Variants in MAP4K1 observed in about 807,000 individuals in gnomAD.
MAP4K1 encodes the protein MAPK/ERK kinase kinase kinase 1.
MAP4K1 carries 35 observed loss-of-function variants against 122.8 expected under a neutral mutation model. That is an observed-to-expected ratio of 0.29 (90% CI 0.22 to 0.38). The LOEUF (loss-of-function observed/expected upper bound fraction) is 0.38. Among genes scored for constraint, MAP4K1 ranks in the 10% least tolerant of loss-of-function variants. The probability of loss-of-function intolerance (pLI) is 1.00; values close to 1 mark genes in which losing one functional copy is unlikely to be tolerated. For synonymous variants in MAP4K1, 412 were observed against 421.3 expected, an observed-to-expected ratio of 0.98 and a Z score of 0.27; for missense variants, 791 against 1,072.6, an observed-to-expected ratio of 0.74 and a Z score of 3.67.
At chr19:38,590,438 A>ATATATATATAG (rs1421697310) in intron 30 of MAP4K1, among the ~76,000 whole-genome samples, 19 of 90,706 alleles carry the variant, frequency 2.1e-4, no homozygotes, top group Admixed American at 4.0e-4. Flanking sequence ...TATATATATA[A>ATATATATATAG]TCACGGGCGT....
chr19:38,590,568 T>G (rs1974699335), intron 30 of MAP4K1, among the ~76,000 whole-genome samples: 1 of 151,118 alleles, frequency 6.6e-6, no homozygotes, highest in Non-Finnish European at 1.5e-5. Context: ...AACCTCCACC[T>G]CTCCGATTCA....
chr19:38,597,360 G>C lies in MAP4K1; in HGVS notation c.1803C>G (p.Ile601Met). Residue 601 changes from isoleucine (I) to methionine (M), a missense_variant, in exon 24 of 31, where the codon ATC (isoleucine) becomes ATG (methionine). This residue lies in a region of MAP4K1 where 267 missense variants were observed against 323.0 expected (regional missense o/e 0.83). Transcript: ENST00000396857. This position sits in a 1 kb window ranked among gnomAD's most constrained non-coding sequence, Gnocchi z 4.6. ...ACGCCCGGCAGCCTTTGGTGTCCTGGATCTTGGTGGAAACCATGTTCTTCC... is the reference window on the plus strand; with the variant it reads ...ACGCCCGGCAGCCTTTGGTGTCCTGCATCTTGGTGGAAACCATGTTCTTCC... ...LARKNMVSTK[I>M]QDTKGCRACC... 6.2e-7 allele frequency: 1 copy of C among 1,614,034 alleles called. No individual in the cohort carries two copies. The highest frequency in any genetic ancestry group is 8.5e-7 in the Non-Finnish European group (1 of 1,180,048).
Position 38,593,322 on chromosome 19 carries a change from T to C in MAP4K1, c.2356A>G (p.Arg786Gly). The C allele has an allele frequency of 1.2e-6, 2 of 1,611,660 alleles. No homozygotes were observed. The highest frequency in any genetic ancestry group is 1.7e-6 in the Non-Finnish European group (2 of 1,178,848). The change falls in exon 30 of 31, where the codon AGA becomes GGA. Residue 786 changes from arginine (R) to glycine (G), a missense_variant. Around this residue, in one of 4 missense-constraint regions of MAP4K1, gnomAD observed 267 missense variants for 323.0 expected, o/e 0.83. Coordinates refer to ENST00000396857, the MANE Select transcript of MAP4K1 (RefSeq NM_001042600.3). The part of the protein sequence containing the change: ...LGSDQLLQEL[R>G]DPTLTFRLLG... ...AGACGGAAAGTGAGGGTAGGGTCTCTCAGCTCCTGTAGCAGCTAGGGAAAA... is the reference window on the plus strand; with the variant it reads ...AGACGGAAAGTGAGGGTAGGGTCTCCCAGCTCCTGTAGCAGCTAGGGAAAA...
Position 38,617,037 on chromosome 19 carries a change from G to A in MAP4K1, c.248+317C>T, listed in dbSNP as rs1975666358. Among the ~76,000 whole-genome samples, 1 of 152,056 alleles carries A rather than the reference G, an allele frequency of 6.6e-6. No individual in the cohort carries two copies. Among genetic ancestry groups the A allele is most frequent in the Non-Finnish European group, 1.5e-5 (1 of 68,020 alleles). ...CCGAGGCGAGTGGATCACAAGGTCA[G>A]GAGTTCAAGACCAGCCTGGCCAAGA... On this transcript the variant is annotated intron_variant, in intron 3 of 30. Transcript: ENST00000396857. The surrounding 1 kb of genome is among the most constrained non-coding windows in gnomAD (Gnocchi z 4.1).
At chr19:38,615,369 A>G (rs1232133892) in intron 4 of MAP4K1, among the ~76,000 whole-genome samples, 1 of 150,712 alleles carries the variant, frequency 6.6e-6, no homozygotes, top group Non-Finnish European at 1.5e-5. Flanking sequence ...TGACTTTGCA[A>G]AATAAGGAAA....
chr19:38,588,412 C>A (rs920319691), intron 30 of MAP4K1, among the ~76,000 whole-genome samples: 1 of 151,990 alleles, frequency 6.6e-6, no homozygotes, highest in African/African-American at 2.4e-5. Flanking sequence ...ATGACAAGGC[C>A]GGGCATGGTG....
At chr19:38,607,346 G>T (rs1405648182) in intron 16 of MAP4K1, among the ~76,000 whole-genome samples, 1 of 151,938 alleles carries the variant, frequency 6.6e-6, no homozygotes, top group Admixed American at 6.6e-5. Flanking sequence ...GGATCATGAG[G>T]TCAGGAGTTT....
chr19:38,590,621 C>T lies in MAP4K1; in HGVS notation c.2396+2661G>A, dbSNP rs574579616. Among the ~76,000 whole-genome samples the T allele has an allele frequency of 1.3e-3, 193 of 151,144 alleles. 2 individuals carry two copies. Among genetic ancestry groups the T allele is most frequent in the African/African-American group, 4.5e-3 (185 of 41,186 alleles). Reference sequence around the variant, plus strand: ...AGCCTCCCAGCTGGGATTACAGGCACGTGCCACCACACCCAGCTAATTTTT... The same window carrying T: ...AGCCTCCCAGCTGGGATTACAGGCATGTGCCACCACACCCAGCTAATTTTT... On this transcript the variant is annotated intron_variant, in intron 30 of 30. Transcript: ENST00000396857.
At chr19:38,589,452 G>T (rs1220592766) in intron 30 of MAP4K1, among the ~76,000 whole-genome samples, 1 of 147,748 alleles carries the variant, frequency 6.8e-6, no homozygotes, top group African/African-American at 2.5e-5. Context: ...GTTCACTCTT[G>T]TTGCCCAGGC....
At chr19:38,610,991 G>A (rs939246755) in intron 11 of MAP4K1, 60 bp downstream of exon 11, 7 of 1,416,134 alleles carry the variant, frequency 4.9e-6, no homozygotes, top group African/African-American at 1.4e-5. Context: ...CCATGTCCTC[G>A]GGAGTTGTGG....
rs760041742 is a variant in MAP4K1 at position 38,595,779 on chromosome 19, T to C, written c.2180-50A>G. ...GAACTGTGAGCAAGGCTTAGAGGGT[T>C]ACTAAGGGACCAATCCATAAATTCA... is the stretch of plus-strand genomic sequence containing the variant. On this transcript the variant is annotated intron_variant, in intron 27 of 30. Coordinates refer to ENST00000396857, the MANE Select transcript of MAP4K1 (RefSeq NM_001042600.3). 2.0e-6 allele frequency: 3 copies of C among 1,521,446 alleles called. No homozygotes were observed. The Admixed American group carries it at 5.2e-5, about 27-fold the overall frequency. 94.2% of individuals were successfully genotyped at this position (1,521,446 alleles called of 1,614,324 possible). A position where few individuals can be genotyped will look rare whatever the true frequency, so the allele number is the denominator to read the frequency against.
chr19:38,593,917 TAAATAA>T (rs1974798013), intron 29 of MAP4K1, among the ~76,000 whole-genome samples: 1 of 151,886 alleles, frequency 6.6e-6, no homozygotes, highest in Non-Finnish European at 1.5e-5. Context: ...CAAAAATAAA[TAAATAA>T]AAATACTAAA....
rs192965266 is a variant in MAP4K1, at chr19:38,602,711, C to T, written c.1447-1186G>A. Among the ~76,000 whole-genome samples, 46 of 148,824 alleles carry T rather than the reference C, an allele frequency of 3.1e-4. No homozygotes were observed. In the East Asian group the frequency reaches 7.1e-3, roughly 23 times the overall value. ...ATATATACACACATATACATGTATA[C>T]ATATATACACACATATACATGTATA... On this transcript the variant is annotated intron_variant, in intron 19 of 30. Coordinates refer to ENST00000396857, the MANE Select transcript of MAP4K1 (RefSeq NM_001042600.3).
At chr19:38,607,252 A>C (rs1329470504) in intron 16 of MAP4K1, among the ~76,000 whole-genome samples, 2 of 151,974 alleles carry the variant, frequency 1.3e-5, no homozygotes, top group South Asian at 2.1e-4. Flanking sequence ...GGGTCAAGTC[A>C]AAAGATTGTA....
Position 38,611,293 on chromosome 19 carries a change from G to A in MAP4K1, c.678C>T (p.Leu226=), listed in dbSNP as rs751474078. The A allele has an allele frequency of 2.7e-5, 44 of 1,612,918 alleles. No individual in the cohort carries two copies. Among genetic ancestry groups the A allele is most frequent in the Non-Finnish European group, 3.7e-5 (44 of 1,179,056 alleles). ...GAGGCTGGTAGCCACTCTTGGTCAT[G>A]AGGAAGAGAACTCTAGAATAGTAGG... The part of the protein sequence containing the change: ...FDVHPLRVLF[L]MTKSGYQPPR... The change falls in exon 10 of 31, where the codon CTC becomes CTT. Residue 226 remains leucine (L), a synonymous_variant. Coordinates refer to ENST00000396857, the MANE Select transcript of MAP4K1 (RefSeq NM_001042600.3).
At chr19:38,607,961 C>G in intron 15 of MAP4K1, 29 bp downstream of exon 15, 1 of 1,611,646 alleles carries the variant, frequency 6.2e-7, no homozygotes. Context: ...CATTCCAGCC[C>G]CCTCCCCATC....
chr19:38,614,615 C>A, intron 4 of MAP4K1, 170 bp from the exon 5 acceptor site: 2 of 695,514 alleles, frequency 2.9e-6, no homozygotes, highest in South Asian at 3.4e-5. Flanking sequence ...AAAGAGGCAG[C>A]AATGCAAATA....
intron 20 of MAP4K1, among the ~76,000 whole-genome samples, chr19:38,600,799 A>ATTTT (rs560496607): frequency 2.7e-4 from 25 of 90,974 alleles, no homozygotes; most frequent in South Asian, 3.6e-4. Context: ...CCCTCTACCC[A>ATTTT]TTTTTTTTTT....
chr19:38,617,619 C>A lies in MAP4K1; in HGVS notation c.106G>T (p.Asp36Tyr), dbSNP rs1365761138. 1 of 1,614,016 alleles carries A rather than the reference C, an allele frequency of 6.2e-7. No individual in the cohort carries two copies. Among genetic ancestry groups the A allele is most frequent in the Non-Finnish European group, 8.5e-7 (1 of 1,180,028 alleles). The change falls in exon 2 of 31, where the codon GAC becomes TAC. Residue 36 changes from aspartate (D) to tyrosine (Y), a missense_variant. This residue lies in a region of MAP4K1 where 163 missense variants were observed against 286.1 expected (regional missense o/e 0.57). Transcript: ENST00000396857. This position sits in a 1 kb window ranked among gnomAD's most constrained non-coding sequence, Gnocchi z 4.1. ...GCCACCAGGTCCCCTGACACCTTGT[C>A]TCGAGCCTTGCAAAGGGGAAGTTGG... is the stretch of plus-strand genomic sequence containing the variant. ...GTYGEVFKAR[D>Y]KVSGDLVALK...
Sources: allele counts gnomAD v4.1 joint callset (sites outside exome capture counted in the v4.1 genomes callset), GRCh38; gene constraint gnomAD v4.1.1; regional missense constraint gnomAD v4.1.1; non-coding constraint Gnocchi (gnomAD v3.1); transcripts MANE v1.5; gene names NCBI Gene and HGNC (gene_info 2026-07-23, HGNC 2026-07-21).